Variants in IQGAP2 observed in about 807,000 individuals in gnomAD.
The protein encoded by IQGAP2 is ras GTPase-activating-like protein IQGAP2.
In IQGAP2, 173 loss-of-function variants were observed where a neutral mutation model predicts 201.3. The ratio of observed to expected loss-of-function variants is 0.86; its 90% CI spans 0.76 to 0.98. The LOEUF is 0.98. Among genes scored for constraint, IQGAP2 ranks in the 50% least tolerant of loss-of-function variants. The probability of loss-of-function intolerance (pLI) is 0.00; values close to 1 mark genes in which losing one functional copy is unlikely to be tolerated. For missense variants in IQGAP2, 1,687 were observed against 1,864.8 expected (o/e 0.90, Z 1.76); for synonymous variants, 675 against 673.9 (o/e 1.00, Z -0.03).
intron 1 of IQGAP2, among the ~76,000 whole-genome samples, chr5:76,460,177 A>G (rs948264475): frequency 2.6e-5 from 4 of 152,186 alleles, no homozygotes; most frequent in East Asian, 1.9e-4. Context: ...TGTAATAAAA[A>G]TGTGAACTAA....
At chr5:76,517,279 G>A (rs1758387756) in intron 2 of IQGAP2, among the ~76,000 whole-genome samples, 1 of 152,038 alleles carries the variant, frequency 6.6e-6, no homozygotes, top group Non-Finnish European at 1.5e-5. Flanking sequence ...CATCATCCAT[G>A]GGATGTGATC....
At chr5:76,585,125 A>G (rs1263827249) in intron 5 of IQGAP2, among the ~76,000 whole-genome samples, 4 of 152,208 alleles carry the variant, frequency 2.6e-5, no homozygotes, top group East Asian at 3.8e-4. Context: ...AATTATCTCA[A>G]TATTCCACAG....
At chr5:76,652,884 C>T in intron 18 of IQGAP2, 51 bp downstream of exon 18, 1 of 1,167,042 alleles carries the variant, frequency 8.6e-7, no homozygotes, top group South Asian at 1.2e-5. Flanking sequence ...CGTTTCCCCT[C>T]ATTTCATGTT....
At chr5:76,582,474 G>A (rs1298687570) in intron 5 of IQGAP2, among the ~76,000 whole-genome samples, 1 of 152,192 alleles carries the variant, frequency 6.6e-6, no homozygotes, top group African/African-American at 2.4e-5. Context: ...CCAGGATTCA[G>A]CGCTTCTGGA....
At chr5:76,616,380 G>A (rs1748970976) in intron 13 of IQGAP2, 1 of 152,650 alleles carries the variant, frequency 6.6e-6, no homozygotes, top group South Asian at 2.1e-4. Context: ...GGTTTAATGG[G>A]AAGTGTGATT....
chr5:76,669,679 A>G (rs191108278), intron 23 of IQGAP2, among the ~76,000 whole-genome samples: 1 of 152,322 alleles, frequency 6.6e-6, no homozygotes, highest in African/African-American at 2.4e-5. Context: ...TGGAAACAGC[A>G]TGGGCATAGG....
rs552375489 is a variant in IQGAP2, at chr5:76,432,926, C to G, written c.47-28644C>G. Among the ~76,000 whole-genome samples, 3 of 152,266 alleles carry G rather than the reference C, an allele frequency of 2.0e-5. No homozygotes were observed. In the East Asian group the frequency reaches 5.8e-4, roughly 29 times the overall value. ...TGTGGCTTTTAGGTATTTATTTCCC[C>G]TGCTCCCTCCTTCCCTCAGCTTCCT... On this transcript the variant is annotated intron_variant, in intron 1 of 35. Transcript: ENST00000274364.
At chr5:76,428,295 A>G (rs1752128311) in intron 1 of IQGAP2, among the ~76,000 whole-genome samples, 1 of 152,024 alleles carries the variant, frequency 6.6e-6, no homozygotes, top group Admixed American at 6.6e-5. Context: ...TCTGCTGGGT[A>G]CCTGGGAAGG....
In IQGAP2 at chr5:76,530,939, AG is replaced by A. The variant is rs1198817748; in HGVS notation, c.147-31453del. On this transcript the variant is annotated intron_variant, in intron 2 of 35. Transcript: ENST00000274364. ...GTCAGATTTTTACAGAACAGCCCAA[AG>A]GGGTGTTTTGTGTGCTAATGATTAG... 2.3e-3 allele frequency among the ~76,000 whole-genome samples: 353 copies of A among 152,352 alleles called. 5 individuals carry two copies. Among genetic ancestry groups the A allele is most frequent in the Non-Finnish European group, 2.8e-4 (19 of 68,034 alleles).
At chr5:76,524,995 T>C (rs554879558) in intron 2 of IQGAP2, among the ~76,000 whole-genome samples, 2 of 152,364 alleles carry the variant, frequency 1.3e-5, no homozygotes, top group Admixed American at 6.5e-5. Flanking sequence ...CTTATTTTCA[T>C]TGAGGAAACC....
At chr5:76,508,276 G>T (rs79038343) in intron 2 of IQGAP2, among the ~76,000 whole-genome samples, 1 of 151,844 alleles carries the variant, frequency 6.6e-6, no homozygotes, top group Non-Finnish European at 1.5e-5. Flanking sequence ...CCGAGATCTC[G>T]CCACTGCACT....
At chr5:76,576,465 G>A (rs537612337) in intron 5 of IQGAP2, among the ~76,000 whole-genome samples, 5 of 152,184 alleles carry the variant, frequency 3.3e-5, no homozygotes, top group South Asian at 4.1e-4. Flanking sequence ...GTTTGTGGCT[G>A]TTGTCTTGAA....
chr5:76,600,740 C>A, intron 10 of IQGAP2, 72 bp from the exon 11 acceptor site: 1 of 1,532,076 alleles, frequency 6.5e-7, no homozygotes, highest in South Asian at 1.2e-5. Context: ...TTGAAATGTG[C>A]ATTGTAAACC....
chr5:76,582,897 G>A (rs1745973569), intron 5 of IQGAP2, among the ~76,000 whole-genome samples: 2 of 152,118 alleles, frequency 1.3e-5, no homozygotes, highest in South Asian at 4.1e-4. Context: ...GTACAAGTAG[G>A]AGCACATGGG....
chr5:76,671,260 C>G (rs1164792023), intron 23 of IQGAP2, among the ~76,000 whole-genome samples: 3 of 151,156 alleles, frequency 2.0e-5, no homozygotes, highest in Middle Eastern at 3.2e-3. Flanking sequence ...GACTCTGTCT[C>G]AAAAAGAAAA....
intron 2 of IQGAP2, among the ~76,000 whole-genome samples, chr5:76,497,217 T>G (rs1362148309): frequency 6.6e-6 from 1 of 152,218 alleles, no homozygotes; most frequent in African/African-American, 2.4e-5. Flanking sequence ...AAAGGCACTT[T>G]GTGCTGCCTG....
At chr5:76,475,679 C>T (rs951237766) in intron 2 of IQGAP2, among the ~76,000 whole-genome samples, 3 of 152,160 alleles carry the variant, frequency 2.0e-5, no homozygotes, top group African/African-American at 7.2e-5. Context: ...AACCAAATTC[C>T]TTTTCTGCCC....
At chr5:76,604,042 A>G (rs1319885415) in intron 11 of IQGAP2, among the ~76,000 whole-genome samples, 3 of 152,112 alleles carry the variant, frequency 2.0e-5, no homozygotes, top group African/African-American at 4.8e-5. Context: ...GGTTTGTTAC[A>G]TAGGTATACA....
chr5:76,469,683 C>T (rs1232435955), intron 2 of IQGAP2, among the ~76,000 whole-genome samples: 2 of 152,108 alleles, frequency 1.3e-5, no homozygotes, highest in Admixed American at 1.3e-4. Context: ...GGATTACAGG[C>T]ATGAGCCACC....
Sources: allele counts gnomAD v4.1 joint callset (sites outside exome capture counted in the v4.1 genomes callset), GRCh38; gene constraint gnomAD v4.1.1; transcripts MANE v1.5; gene names NCBI Gene and HGNC (gene_info 2026-07-23, HGNC 2026-07-21).